Variants in APC2 observed in about 807,000 individuals in gnomAD.
The protein encoded by APC2 is adenomatous polyposis coli protein 2.
In APC2, 41 loss-of-function variants were observed where a neutral mutation model predicts 72.5. The ratio of observed to expected loss-of-function variants is 0.57; its 90% CI spans 0.44 to 0.73. APC2 has a LOEUF of 0.73. Ranked by LOEUF, APC2 falls within the 30% of genes least tolerant of loss-of-function variation. APC2 has a pLI of 0.00. For missense variants in APC2, 3,729 were observed against 3,403.4 expected, an observed-to-expected ratio of 1.10 and a Z score of -2.38; for synonymous variants, 1,898 against 1,612.0, an observed-to-expected ratio of 1.18 and a Z score of -4.25.
rs759767786 is a variant in APC2, at chr19:1,467,764, G to A, written c.4463G>A (p.Arg1488His). ...GACGGCTCAAAGCCCGGCCGGACCCGCGGGGACGGGGCGCTCCAGTCGCTG... is the reference window on the plus strand; with the variant it reads ...GACGGCTCAAAGCCCGGCCGGACCCACGGGGACGGGGCGCTCCAGTCGCTG... ...DKDGSKPGRT[R>H]GDGALQSLCL... The change falls in exon 15 of 15, where the codon CGC becomes CAC. Residue 1488 changes from arginine to histidine, a missense_variant. Transcript: ENST00000590469. 7.7e-6 allele frequency: 11 copies of A among 1,429,802 alleles called. No individual in the cohort carries two copies. Among genetic ancestry groups the A allele is most frequent in the East Asian group, 2.8e-5 (1 of 36,126 alleles). The allele number at this position is 1,429,802 out of a possible 1,614,324, so 88.6% of individuals were successfully genotyped here.
chr19:1,461,160 AC>A lies in APC2; in HGVS notation c.1638+10del. 1 of 1,606,084 alleles carries A rather than the reference AC, an allele frequency of 6.2e-7. No homozygotes were observed. The highest frequency in any genetic ancestry group is 1.3e-5 in the African/African-American group (1 of 74,982). ...TGTCCTGCGGGCCACCAAGGTGGGC[AC>A]CCGGTGGGCGGCAGGGATGCTTCTT... On this transcript the variant is annotated splice_region_variant and intron_variant, in intron 13 of 14. Coordinates refer to ENST00000590469, the MANE Select transcript of APC2 (RefSeq NM_005883.3).
chr19:1,466,520 T>C lies in APC2; in HGVS notation c.3219T>C (p.Leu1073=), dbSNP rs1404087926. The change falls in exon 15 of 15, where the codon CTT becomes CTC. Residue 1073 remains leucine (L), a synonymous_variant. Coordinates refer to ENST00000590469, the MANE Select transcript of APC2 (RefSeq NM_005883.3). ...GPLSLSRCSS[L]SSLSSAGRPG... is the part of the protein sequence containing the mutation. ...TCTCGCTGTCCCGATGCAGCTCCCT[T>C]TCCTCGCTGTCCTCGGCCGGCCGCC... 4 of 1,594,696 alleles carry C rather than the reference T, an allele frequency of 2.5e-6. No individual in the cohort carries two copies. In the South Asian group the frequency reaches 3.3e-5, roughly 13 times the overall value.
At position 1,456,391 on chromosome 19, in the gene APC2, C is replaced by T. The variant is rs751845324; in HGVS notation, c.803C>T (p.Pro268Leu). 2.9e-5 allele frequency: 47 copies of T among 1,603,144 alleles called. 1 individual carries two copies. In the South Asian group the frequency reaches 5.1e-4, roughly 18 times the overall value. ...CACCCTGAGGATGGCACCCCTCAGC[C>T]GGGCAACAGCAAGGTGAGGGGGAGG... Reference protein sequence around the residue: ...PTHPEDGTPQPGNSKVEVVFW... With the variant: ...PTHPEDGTPQLGNSKVEVVFW... The change falls in exon 8 of 15, where the codon CCG (proline) becomes CTG (leucine). Residue 268 changes from proline (P) to leucine (L), a missense_variant. Coordinates refer to ENST00000590469, the MANE Select transcript of APC2 (RefSeq NM_005883.3).
At chr19:1,458,726 CTTTTT>C (rs913263593) in intron 10 of APC2, 1 of 152,038 alleles carries the variant, frequency 6.6e-6, no homozygotes, top group South Asian at 2.1e-4. Flanking sequence ...CTTGCTGTAA[CTTTTT>C]TTTGAGACAG....
intron 5 of APC2, 48 bp downstream of exon 5, chr19:1,455,305 G>A (rs1301323211): frequency 6.3e-7 from 1 of 1,584,388 alleles, no homozygotes. Context: ...CCCACTCAGG[G>A]TGCGGGAAGC....
Position 1,468,210 on chromosome 19 carries a change from C to T in APC2, c.4909C>T (p.Leu1637=), listed in dbSNP as rs779544258. 17 of 1,475,888 alleles carry T rather than the reference C, an allele frequency of 1.2e-5. No individual in the cohort carries two copies. In the South Asian group the frequency reaches 2.1e-4, roughly 19 times the overall value. 91.4% of individuals were successfully genotyped at this position (1,475,888 alleles called of 1,614,324 possible). A position where few individuals can be genotyped will look rare whatever the true frequency, so the allele number is the denominator to read the frequency against. ...ELLQRCISSA[L]PRRRPPVSGL... is the part of the protein sequence containing the mutation. ...TCTGCAGCGGTGCATCAGCTCGGCC[C>T]TGCCCAGGCGCCGGCCCCCCGTGTC... Residue 1637 remains leucine, a synonymous_variant, in exon 15 of 15, where the codon CTG becomes TTG. Coordinates refer to ENST00000590469, the MANE Select transcript of APC2 (RefSeq NM_005883.3).
intron 14 of APC2, among the ~76,000 whole-genome samples, chr19:1,463,916 T>C (rs1599150832): frequency 6.6e-6 from 1 of 152,374 alleles, no homozygotes; most frequent in Non-Finnish European, 1.5e-5. Flanking sequence ...GGCTCACGCC[T>C]GTAATCCCAG....
Position 1,470,324 on chromosome 19 carries a change from C to A in APC2, c.*111C>A. 1 of 1,349,182 alleles carries A rather than the reference C, an allele frequency of 7.4e-7. No homozygotes were observed. Among genetic ancestry groups the A allele is most frequent in the Non-Finnish European group, 9.7e-7 (1 of 1,035,536 alleles). 83.6% of individuals were successfully genotyped at this position (1,349,182 alleles called of 1,614,324 possible). On this transcript the variant is annotated 3_prime_UTR_variant, in exon 15 of 15. Transcript: ENST00000590469. ...CCATAGGTCGCCCCAGGGCCTCTGC[C>A]CACCCGAGCCCCACCACTCTCAGAA...
At chr19:1,461,526 C>T (rs893972659) in intron 13 of APC2, 11 of 364,290 alleles carry the variant, frequency 3.0e-5, no homozygotes, top group Non-Finnish European at 5.1e-5. Context: ...GCATTCCAGC[C>T]TGGGCCACAG....
chr19:1,464,312 A>G (rs1407109235), intron 14 of APC2, among the ~76,000 whole-genome samples: 2 of 145,370 alleles, frequency 1.4e-5, no homozygotes, highest in Non-Finnish European at 3.0e-5. Flanking sequence ...TCCATCTCAG[A>G]AAAAAAAAAA....
chr19:1,457,422 G>A, intron 9 of APC2, 179 bp downstream of exon 9: 1 of 875,832 alleles, frequency 1.1e-6, no homozygotes. Flanking sequence ...ACCCGCCCAT[G>A]ATCGTACCTG....
intron 14 of APC2, among the ~76,000 whole-genome samples, chr19:1,462,608 T>A (rs1045003263): frequency 2.8e-5 from 4 of 142,738 alleles, no homozygotes; most frequent in African/African-American, 1.1e-4. Flanking sequence ...TGAGCTGAGA[T>A]TGTGCCACTG....
At chr19:1,446,817 C>G (rs904128521), upstream of APC2, among the ~76,000 whole-genome samples, 1 of 152,172 alleles carries the variant, frequency 6.6e-6, no homozygotes, top group Admixed American at 6.5e-5. The surrounding 1 kb of genome is among the most constrained non-coding windows in gnomAD (Gnocchi z 6.1). Context: ...CGTTCGCCGC[C>G]GCTGCTGTTC....
In APC2 at chr19:1,466,154, T is replaced by C; in HGVS notation, c.2853T>C (p.Ala951=). 6.4e-7 allele frequency: 1 copy of C among 1,565,726 alleles called. No homozygotes were observed. The highest frequency in any genetic ancestry group is 8.6e-7 in the Non-Finnish European group (1 of 1,166,384). The part of the protein sequence containing the change: ...HMLPCPLAAL[A]SRREDPRCGQ... ...TGCCCTGCCCGCTGGCCGCACTGGCTTCGCGCCGCGAGGACCCCAGGTGTG... is the reference window on the plus strand; with the variant it reads ...TGCCCTGCCCGCTGGCCGCACTGGCCTCGCGCCGCGAGGACCCCAGGTGTG... The change falls in exon 15 of 15, where the codon GCT becomes GCC. Residue 951 remains alanine (A), a synonymous_variant. Transcript: ENST00000590469.
At position 1,453,499 on chromosome 19, in the gene APC2, G is replaced by A. The variant is rs745424256; in HGVS notation, c.301G>A (p.Ala101Thr). ...GCCGCCCACCCTGGGCCCGGAGCCTGCCGCCCGGACCCCCGAGGGCAGCCC... is the reference window on the plus strand; with the variant it reads ...GCCGCCCACCCTGGGCCCGGAGCCTACCGCCCGGACCCCCGAGGGCAGCCC... Reference protein sequence around the residue: ...FQPPTLGPEPAARTPEGSPVH... With the variant: ...FQPPTLGPEPTARTPEGSPVH... Residue 101 changes from alanine (A) to threonine (T), a missense_variant, in exon 4 of 15, where the codon GCC becomes ACC. Transcript: ENST00000590469. 2.5e-6 allele frequency: 4 copies of A among 1,606,936 alleles called. No individual in the cohort carries two copies. Among genetic ancestry groups the A allele is most frequent in the Admixed American group, 3.4e-5 (2 of 59,682 alleles).
intron 10 of APC2, among the ~76,000 whole-genome samples, chr19:1,459,921 T>C (rs1050161596): frequency 1.3e-5 from 2 of 152,124 alleles, no homozygotes; most frequent in Admixed American, 1.3e-4. Context: ...GCCCAGTGGC[T>C]GGAGGAAGCG....
chr19:1,460,154 CCCA>C (rs780402223), intron 10 of APC2, 24 bp from the exon 11 acceptor site: 1 of 1,612,538 alleles, frequency 6.2e-7, no homozygotes, highest in Non-Finnish European at 8.5e-7. Context: ...ATCCCTGCCA[CCCA>C]CCAACCTTGT....
Position 1,467,722 on chromosome 19 carries a change from G to C in APC2, c.4421G>C (p.Ser1474Thr). 1 of 1,437,090 alleles carries C rather than the reference G, an allele frequency of 7.0e-7. No homozygotes were observed. The highest frequency in any genetic ancestry group is 9.1e-7 in the Non-Finnish European group (1 of 1,104,042). The allele number at this position is 1,437,090 out of a possible 1,614,324, so 89.0% of individuals were successfully genotyped here. Residue 1474 changes from serine (S) to threonine (T), a missense_variant, in exon 15 of 15, where the codon AGC (serine) becomes ACC (threonine). Transcript: ENST00000590469. ...GAGCTGCCCCTGGGCCGGCCCCCGA[G>C]CGCCCCCGCAGACAAGGACGGCTCA... ...GLELPLGRPP[S>T]APADKDGSKP...
chr19:1,463,896 T>C (rs2083965084), intron 14 of APC2, among the ~76,000 whole-genome samples: 1 of 152,174 alleles, frequency 6.6e-6, no homozygotes, highest in South Asian at 2.1e-4. Context: ...ACTTATTGGC[T>C]GGGCGCGGTG....
Sources: gnomAD v4.1 joint callset for allele counts (sites outside exome capture counted in the v4.1 genomes callset) on GRCh38, gnomAD v4.1.1 for gene constraint, Gnocchi (gnomAD v3.1) non-coding constraint, MANE v1.5 for transcripts, NCBI Gene and HGNC (gene_info 2026-07-23, HGNC 2026-07-21) for gene names.